The following ATP6V1H variants were observed in gnomAD, a reference collection of about 807,000 sequenced individuals.
ATP6V1H encodes ATPase H+ transporting V1 subunit H.
ATP6V1H carries 39 observed loss-of-function variants against 71.7 expected under a neutral mutation model. The observed-to-expected ratio is 0.54, with a 90% CI of 0.42 to 0.71. ATP6V1H has a LOEUF of 0.71. Among genes scored for constraint, ATP6V1H ranks in the 30% least tolerant of loss-of-function variants. The pLI, the probability that ATP6V1H is intolerant of heterozygous loss-of-function variation, is 0.00. For missense variants in ATP6V1H, 509 were observed against 594.9 expected, an observed-to-expected ratio of 0.86 and a Z score of 1.50; for synonymous variants, 192 against 199.3, an observed-to-expected ratio of 0.96 and a Z score of 0.31.
intron 13 of ATP6V1H, among the ~76,000 whole-genome samples, chr8:53,716,323 A>G (rs560221235): frequency 6.6e-6 from 1 of 152,344 alleles, no homozygotes; most frequent in East Asian, 1.9e-4. Flanking sequence ...AAATGTAATT[A>G]CTTCCTGGGG....
chr8:53,820,874 A>G (rs1221885572), intron 4 of ATP6V1H, among the ~76,000 whole-genome samples: 1 of 151,482 alleles, frequency 6.6e-6, no homozygotes, highest in Admixed American at 6.6e-5. Flanking sequence ...CCCACTACTC[A>G]GGAGGCTGAG....
intron 12 of ATP6V1H, among the ~76,000 whole-genome samples, chr8:53,754,089 C>A (rs968924052): frequency 6.6e-6 from 1 of 152,184 alleles, no homozygotes; most frequent in African/African-American, 2.4e-5. Flanking sequence ...CTTAGAGAAA[C>A]CCCAATCTCT....
At chr8:53,772,434 G>A (rs528796644) in intron 9 of ATP6V1H, among the ~76,000 whole-genome samples, 60 of 151,990 alleles carry the variant, frequency 3.9e-4, no homozygotes, top group Non-Finnish European at 6.6e-4. Context: ...CACTGAACAC[G>A]TTTACAATGA....
chr8:53,760,216 CA>C (rs1246933744), intron 11 of ATP6V1H, among the ~76,000 whole-genome samples: 8 of 152,158 alleles, frequency 5.3e-5, no homozygotes, highest in Non-Finnish European at 1.2e-4. Flanking sequence ...CTCAAGCATG[CA>C]CAGTAAGGTG....
intron 3 of ATP6V1H, among the ~76,000 whole-genome samples, chr8:53,830,740 G>A (rs1310773339): frequency 6.6e-6 from 1 of 152,000 alleles, no homozygotes; most frequent in Non-Finnish European, 1.5e-5. Context: ...AAAAAAAAAT[G>A]AGAAAAAAAG....
At chr8:53,784,866 C>A (rs1219661924) in intron 9 of ATP6V1H, among the ~76,000 whole-genome samples, 1 of 152,154 alleles carries the variant, frequency 6.6e-6, no homozygotes, top group Non-Finnish European at 1.5e-5. Flanking sequence ...AATATTGGCC[C>A]CCACTCTCTT....
chr8:53,818,904 C>T (rs1330588120), intron 4 of ATP6V1H, among the ~76,000 whole-genome samples: 1 of 152,054 alleles, frequency 6.6e-6, no homozygotes, highest in Non-Finnish European at 1.5e-5. Flanking sequence ...CAAATAAAAT[C>T]AACTGCTAAA....
intron 9 of ATP6V1H, among the ~76,000 whole-genome samples, chr8:53,772,990 C>T (rs1290749225): frequency 6.8e-6 from 1 of 146,246 alleles, no homozygotes; most frequent in East Asian, 2.0e-4. Context: ...CAAGTAAGTT[C>T]TATCCCTAAT....
intron 12 of ATP6V1H, among the ~76,000 whole-genome samples, chr8:53,750,370 T>C (rs1807749808): frequency 1.3e-5 from 2 of 152,054 alleles, no homozygotes; most frequent in Non-Finnish European, 2.9e-5. Context: ...AACCTGATAG[T>C]GATCAAAGAA....
intron 11 of ATP6V1H, among the ~76,000 whole-genome samples, chr8:53,760,467 G>C (rs567990989): frequency 6.6e-6 from 1 of 152,238 alleles, no homozygotes; most frequent in East Asian, 1.9e-4. Flanking sequence ...GGCAGAACAG[G>C]GCAGTTGGAT....
chr8:53,807,347 C>A lies in ATP6V1H; in HGVS notation c.579+3817G>T, dbSNP rs559603792. On this transcript the variant is annotated intron_variant, in intron 7 of 13. Transcript: ENST00000359530. ...AAGTGTGGTGGCTCACGTCTGTAAT[C>A]CCAGCACTTTGGGAGGCCGAGGTGG... Among the ~76,000 whole-genome samples the A allele has an allele frequency of 5.1e-3, 778 of 152,146 alleles. 6 individuals carry two copies. Among genetic ancestry groups the A allele is most frequent in the African/African-American group, 0.018 (737 of 41,506 alleles).
chr8:53,840,366 C>T (rs1811304260), intron 2 of ATP6V1H, among the ~76,000 whole-genome samples: 1 of 152,004 alleles, frequency 6.6e-6, no homozygotes, highest in African/African-American at 2.4e-5. Flanking sequence ...GGCAAGGTGT[C>T]AGGTGCCTGT....
At chr8:53,782,125 C>G (rs987495626) in intron 9 of ATP6V1H, among the ~76,000 whole-genome samples, 1 of 152,086 alleles carries the variant, frequency 6.6e-6, no homozygotes, top group African/African-American at 2.4e-5. Flanking sequence ...TATAAATTAC[C>G]TTGGGCAGTA....
At chr8:53,729,516 G>A (rs1391501173) in intron 13 of ATP6V1H, among the ~76,000 whole-genome samples, 1 of 152,146 alleles carries the variant, frequency 6.6e-6, no homozygotes, top group Non-Finnish European at 1.5e-5. Flanking sequence ...GCAGCTGAAG[G>A]ACCCCAGGAA....
chr8:53,813,928 C>T (rs1266116589), intron 6 of ATP6V1H, among the ~76,000 whole-genome samples: 1 of 152,098 alleles, frequency 6.6e-6, no homozygotes, highest in Non-Finnish European at 1.5e-5. Context: ...GACCAGGTAG[C>T]TCCAGGCTCA....
chr8:53,829,413 A>C (rs188497444), intron 4 of ATP6V1H, 31 bp downstream of exon 4: 97 of 1,494,496 alleles, frequency 6.5e-5, no homozygotes, highest in Admixed American at 1.2e-4. Flanking sequence ...AAATGAAGTC[A>C]CCAAATGTGT....
chr8:53,801,948 C>G (rs759676265), intron 7 of ATP6V1H, 52 bp from the exon 8 acceptor site: 2 of 1,469,574 alleles, frequency 1.4e-6, no homozygotes, highest in African/African-American at 1.4e-5. Context: ...TAAAGTCATG[C>G]GATCAGACAC....
chr8:53,826,951 C>CAA (rs112178508), intron 4 of ATP6V1H, among the ~76,000 whole-genome samples: 11 of 116,852 alleles, frequency 9.4e-5, no homozygotes, highest in Non-Finnish European at 1.3e-4. Flanking sequence ...AATTCTGTCT[C>CAA]AAAAAAAAAA....
intron 13 of ATP6V1H, among the ~76,000 whole-genome samples, chr8:53,732,418 CAG>C (rs1286472675): frequency 6.6e-6 from 1 of 152,112 alleles, no homozygotes; most frequent in African/African-American, 2.4e-5. Flanking sequence ...CAGGGGATTA[CAG>C]AGTTAAGCTA....
Sources: allele counts gnomAD v4.1 joint callset (sites outside exome capture counted in the v4.1 genomes callset), GRCh38; gene constraint gnomAD v4.1.1; transcripts MANE v1.5; gene names NCBI Gene and HGNC (gene_info 2026-07-23, HGNC 2026-07-21).